Variants in HYAL1 observed in about 807,000 individuals in gnomAD.
HYAL1 encodes the protein hyaluronidase 1.
HYAL1 carries 21 observed loss-of-function variants against 28.8 expected under a neutral mutation model. That is an observed-to-expected ratio of 0.73 (90% CI 0.52 to 1.05). The LOEUF is 1.05. Among genes scored for constraint, HYAL1 ranks in the 50% least tolerant of loss-of-function variants. HYAL1 has a pLI of 0.00. For synonymous variants in HYAL1, 200 were observed against 230.1 expected (o/e 0.87, Z 1.18); for missense variants, 491 against 579.2 (o/e 0.85, Z 1.56).
chr3:50,308,799 C>T (rs1255900098), intron 2 of HYAL1, among the ~76,000 whole-genome samples: 2 of 142,480 alleles, frequency 1.4e-5, no homozygotes, highest in African/African-American at 5.4e-5. Flanking sequence ...GGCAGGATCT[C>T]GGCTCACTGC....
chr3:50,308,433 T>C (rs1403490680), upstream of HYAL1, among the ~76,000 whole-genome samples: 2 of 150,682 alleles, frequency 1.3e-5, no homozygotes, highest in Non-Finnish European at 2.9e-5. Context: ...GGCCACGTTG[T>C]CGTATTATAT....
At position 50,303,046 on chromosome 3, in the gene HYAL1, G is replaced by A. The variant is rs587683376; in HGVS notation, c.-24-66C>T. 1.2e-4 allele frequency: 147 copies of A among 1,245,828 alleles called. 2 individuals carry two copies. The African/African-American group carries it at 1.4e-3, about 12-fold the overall frequency. 77.2% of individuals were successfully genotyped at this position (1,245,828 alleles called of 1,614,324 possible). A position where few individuals can be genotyped will look rare whatever the true frequency, so the allele number is the denominator to read the frequency against. On this transcript the variant is annotated intron_variant, in intron 1 of 3. Transcript: ENST00000395144. ...TCCGATTCCCCCACTGCTCAGGGCTGGGGGGCTGAGCCCTTGCGCATTAAT... is the reference window on the plus strand; with the variant it reads ...TCCGATTCCCCCACTGCTCAGGGCTAGGGGGCTGAGCCCTTGCGCATTAAT...
intron 1 of HYAL1, 83 bp from the exon 2 acceptor site, chr3:50,303,063 C>A: frequency 1.9e-6 from 2 of 1,055,216 alleles, no homozygotes; most frequent in Non-Finnish European, 2.7e-6. Flanking sequence ...TGAGCCCTTG[C>A]GCATTAATCC....
upstream of HYAL1, among the ~76,000 whole-genome samples, chr3:50,307,160 T>A (rs368995103): frequency 2.7e-5 from 4 of 145,772 alleles, no homozygotes; most frequent in East Asian, 8.1e-4. Context: ...AGGTCAGGAG[T>A]TTGAAACCAA....
At chr3:50,304,914 C>T (rs1010251783), upstream of HYAL1, among the ~76,000 whole-genome samples, 1 of 152,150 alleles carries the variant, frequency 6.6e-6, no homozygotes, top group African/African-American at 2.4e-5. Context: ...TTTGTGTGAC[C>T]ATGCATATGA....
In HYAL1 at chr3:50,312,338, C is replaced by T. The variant is rs886058698; in HGVS notation, c.-384G>A. On this transcript the variant is annotated 5_prime_UTR_variant, in exon 1 of 6. Coordinates refer to the HYAL1 transcript ENST00000320295. ...GGGGCGGCCAGGGAGAGACGCTCCT[C>T]ACATCCCGGACGGGGCGACAGGGCA... 5.8e-6 allele frequency: 1 copy of T among 172,334 alleles called. No homozygotes were observed. The highest frequency in any genetic ancestry group is 1.9e-4 in the East Asian group (1 of 5,394). The allele number at this position is 172,334 out of a possible 1,614,324, so 10.7% of individuals were successfully genotyped here.
At chr3:50,303,312 C>A (rs1168392432) in intron 1 of HYAL1, 154 bp downstream of exon 1, 7 of 196,272 alleles carry the variant, frequency 3.6e-5, no homozygotes, top group Non-Finnish European at 7.3e-5. Flanking sequence ...CCTCAGCCCC[C>A]AGGCTGACCC....
chr3:50,303,904 A>G (rs1343593983), upstream of HYAL1: 1 of 152,216 alleles, frequency 6.6e-6, no homozygotes, highest in South Asian at 2.1e-4. Context: ...ACGTGGCTGC[A>G]TCTGACATTG....
At chr3:50,306,661 C>T (rs587633188), upstream of HYAL1, among the ~76,000 whole-genome samples, 38 of 151,100 alleles carry the variant, frequency 2.5e-4, no homozygotes, top group East Asian at 3.3e-3. Flanking sequence ...CCGAGGTGGG[C>T]GGGTCACCTG....
chr3:50,302,060 G>A lies in HYAL1; in HGVS notation c.897C>T (p.Pro299=). The stretch of plus-strand genomic sequence containing the variant: ...GGGCAGGTTACAGAAGACTCACCAG[G>A]GGCAGAAAGTGGTTTGTCGTGTCAT... The part of the protein sequence containing the change: ...IFYDTTNHFL[P]LDELEHSLGE... Residue 299 remains proline (P), a synonymous_variant, in exon 2 of 4, where the codon CCC becomes CCT. Coordinates refer to ENST00000395144, the MANE Select transcript of HYAL1 (RefSeq NM_033159.4). This position sits in a 1 kb window ranked among gnomAD's most constrained non-coding sequence, Gnocchi z 5.0. The A allele has an allele frequency of 6.2e-7, 1 of 1,614,196 alleles. No individual in the cohort carries two copies. The highest frequency in any genetic ancestry group is 2.2e-5 in the East Asian group (1 of 44,886).
At chr3:50,309,678 T>A (rs1345705983) in exon 2 of HYAL1, 1 of 150,064 alleles carries the variant, frequency 6.7e-6, no homozygotes, top group African/African-American at 2.5e-5. Context: ...GTAAAGAATG[T>A]CACTTTCTGG....
intron 1 of HYAL1, chr3:50,303,196 C>T (rs1432340441): frequency 4.6e-5 from 22 of 476,452 alleles, no homozygotes; most frequent in Non-Finnish European, 7.8e-5. Context: ...CAGGCCTCTG[C>T]CATCTCCCAC....
chr3:50,304,329 A>G (rs868950384), upstream of HYAL1, among the ~76,000 whole-genome samples: 766 of 105,182 alleles, frequency 7.3e-3, 26 homozygotes, highest in African/African-American at 0.027. Context: ...ATATATATAT[A>G]TATATATATG....
upstream of HYAL1, chr3:50,304,157 C>G (rs1702278755): frequency 6.7e-6 from 1 of 148,590 alleles, no homozygotes; most frequent in African/African-American, 2.5e-5. Flanking sequence ...ATCCCAGCTA[C>G]TCGGGAGGCT....
intron 2 of HYAL1, among the ~76,000 whole-genome samples, chr3:50,308,812 C>T (rs779934450): frequency 6.8e-6 from 1 of 147,688 alleles, no homozygotes; most frequent in Non-Finnish European, 1.5e-5. Context: ...CTCACTGCAA[C>T]CTCTGGCTCC....
chr3:50,305,666 G>C (rs1553713919), upstream of HYAL1, among the ~76,000 whole-genome samples: 1 of 151,160 alleles, frequency 6.6e-6, no homozygotes, highest in East Asian at 1.9e-4. Context: ...CTCCAGAGTA[G>C]CTGGGACTAC....
upstream of HYAL1, among the ~76,000 whole-genome samples, chr3:50,304,274 CAAAAAAAA>C (rs1156334129): frequency 6.9e-4 from 2 of 2,894 alleles, no homozygotes; most frequent in African/African-American, 1.4e-3. Context: ...GACTCCATCT[CAAAAAAAA>C]AAAAAAAAAA....
chr3:50,302,443 G>C lies in HYAL1; in HGVS notation c.514C>G (p.Gln172Glu), dbSNP rs1553713214. 6.2e-7 allele frequency: 1 copy of C among 1,613,948 alleles called. No individual in the cohort carries two copies. Among genetic ancestry groups the C allele is most frequent in the Non-Finnish European group, 8.5e-7 (1 of 1,179,942 alleles). ...CGTGCAGCTCCCTGGAACTGGTCCTGGGCTACTGCCTCCACCTGAGGAGCT... is the reference window on the plus strand; with the variant it reads ...CGTGCAGCTCCCTGGAACTGGTCCTCGGCTACTGCCTCCACCTGAGGAGCT... ...WPAPQVEAVA[Q>E]DQFQGAARAW... Residue 172 changes from glutamine to glutamate, a missense_variant, in exon 2 of 4, where the codon CAG (glutamine) becomes GAG (glutamate). Coordinates refer to ENST00000395144, the MANE Select transcript of HYAL1 (RefSeq NM_033159.4). This position sits in a 1 kb window ranked among gnomAD's most constrained non-coding sequence, Gnocchi z 5.0.
rs1553712538 is a variant in HYAL1 at position 50,300,678 on chromosome 3, G to A, written c.1113C>T (p.Arg371=). 6.2e-7 allele frequency: 1 copy of A among 1,613,874 alleles called. No individual in the cohort carries two copies. Among genetic ancestry groups the A allele is most frequent in the South Asian group, 1.1e-5 (1 of 91,052 alleles). Residue 371 remains arginine, a synonymous_variant, in exon 4 of 4, where the codon CGC becomes CGT. Coordinates refer to ENST00000395144, the MANE Select transcript of HYAL1 (RefSeq NM_033159.4). ...GGAGGGCTTTGGGGTGGCTGGTGCGGCGGACACAGCGGCCATGGCCGGAGC... is the reference window on the plus strand; with the variant it reads ...GGAGGGCTTTGGGGTGGCTGGTGCGACGGACACAGCGGCCATGGCCGGAGC... The part of the protein sequence containing the change: ...ALCSGHGRCV[R]RTSHPKALLL...
Sources: gnomAD v4.1 joint callset for allele counts (sites outside exome capture counted in the v4.1 genomes callset) on GRCh38, gnomAD v4.1.1 for gene constraint, Gnocchi (gnomAD v3.1) non-coding constraint, MANE v1.5 for transcripts, NCBI Gene and HGNC (gene_info 2026-07-23, HGNC 2026-07-21) for gene names.